The following WDFY3 variants were observed in gnomAD, a reference collection of about 807,000 sequenced individuals.
The protein encoded by WDFY3 is WD repeat and FYVE domain containing 3, also known as WD repeat and FYVE domain-containing protein 3.
In WDFY3, 66 loss-of-function variants were observed where a neutral mutation model predicts 409.6. The observed-to-expected ratio is 0.16, with a 90% CI of 0.13 to 0.20. WDFY3 has a LOEUF of 0.20. Among genes scored for constraint, WDFY3 ranks in the 10% least tolerant of loss-of-function variants. WDFY3 has a pLI of 1.00. For synonymous variants in WDFY3, 1,521 were observed against 1,537.1 expected (o/e 0.99, Z 0.25); for missense variants, 3,031 against 4,298.1 (o/e 0.71, Z 8.24).
intron 60 of WDFY3, among the ~76,000 whole-genome samples, chr4:84,691,248 T>C (rs952579320): frequency 1.3e-5 from 2 of 152,036 alleles, no homozygotes; most frequent in African/African-American, 4.8e-5. Context: ...GCCAGCTTGT[T>C]TGGAGCACTA....
At chr4:84,883,392 A>C (rs1195839665) in intron 3 of WDFY3, among the ~76,000 whole-genome samples, 1 of 152,206 alleles carries the variant, frequency 6.6e-6, no homozygotes, top group Non-Finnish European at 1.5e-5. Context: ...ACTGAAGTGA[A>C]TAATTCTCCA....
In WDFY3 at chr4:84,820,149, T is replaced by A. The variant is rs1342588986; in HGVS notation, c.1629A>T (p.Lys543Asn). 1 of 1,604,780 alleles carries A rather than the reference T, an allele frequency of 6.2e-7. No individual in the cohort carries two copies. Among genetic ancestry groups the A allele is most frequent in the East Asian group, 2.2e-5 (1 of 44,476 alleles). Residue 543 changes from lysine to asparagine, a missense_variant, in exon 12 of 68, where the codon AAA becomes AAT. Lys to Asn is a moderately conservative substitution (Grantham distance 94). This residue lies in a region of WDFY3 where 1,322 missense variants were observed against 1,697.9 expected (regional missense o/e 0.78). Transcript: ENST00000295888. ...SRNNSSVEDQ[K>N]HLALLVMETL... is the part of the protein sequence containing the mutation. The stretch of plus-strand genomic sequence containing the variant: ...TCTCCATAACCAATAAAGCCAGGTG[T>A]TTTTGGTCTTCAACTGAACTATTAT...
At chr4:84,757,929 A>C (rs1455578113) in intron 32 of WDFY3, among the ~76,000 whole-genome samples, 1 of 152,238 alleles carries the variant, frequency 6.6e-6, no homozygotes, top group East Asian at 1.9e-4. Context: ...GGTAAATCCA[A>C]GCCCGTTGTG....
chr4:84,678,783 G>T, intron 65 of WDFY3, 136 bp downstream of exon 65: 2 of 909,798 alleles, frequency 2.2e-6, no homozygotes, highest in Non-Finnish European at 3.3e-6. Flanking sequence ...GTGTAAAGAG[G>T]CATTCTGTGT....
Position 84,692,937 on chromosome 4 carries a change from C to T in WDFY3, c.8997G>A (p.Lys2999=), listed in dbSNP as rs1312072959. The T allele has an allele frequency of 4.3e-6, 7 of 1,613,480 alleles. No homozygotes were observed. The highest frequency in any genetic ancestry group is 4.2e-6 in the Non-Finnish European group (5 of 1,179,886). ...ISVLPGSTSD[K]IFFHHLDNLR... ...AGTTGTCTAGATGATGAAAAAAGAT[C>T]TTGTCACTTGTAGATCCTGGTAGGA... Residue 2999 remains lysine, a synonymous_variant, in exon 59 of 68, where the codon AAG becomes AAA. Coordinates refer to ENST00000295888, the MANE Select transcript of WDFY3 (RefSeq NM_014991.6).
intron 45 of WDFY3, among the ~76,000 whole-genome samples, chr4:84,726,302 A>AT (rs911650716): frequency 1.5e-4 from 23 of 152,248 alleles, no homozygotes; most frequent in African/African-American, 4.6e-4. Flanking sequence ...AAAAAACTAC[A>AT]TTTTTTATTA....
At chr4:84,808,304 A>G in intron 15 of WDFY3, 30 bp downstream of exon 15, 1 of 1,575,440 alleles carries the variant, frequency 6.3e-7, no homozygotes. Flanking sequence ...CCACACAAAT[A>G]GAGACTGACT....
At chr4:84,934,148 G>T (rs1168754038) in intron 1 of WDFY3, among the ~76,000 whole-genome samples, 1 of 151,974 alleles carries the variant, frequency 6.6e-6, no homozygotes, top group African/African-American at 2.4e-5. Context: ...AACAGTGTAC[G>T]AGGGTTCCCT....
chr4:84,940,267 C>T (rs139380297), intron 1 of WDFY3, among the ~76,000 whole-genome samples: 47 of 152,082 alleles, frequency 3.1e-4, no homozygotes, highest in African/African-American at 8.2e-4. Context: ...CCCAAGCTGA[C>T]GGTATATGGT....
At chr4:84,935,743 A>G (rs1401340392) in intron 1 of WDFY3, among the ~76,000 whole-genome samples, 11 of 152,180 alleles carry the variant, frequency 7.2e-5, no homozygotes. Context: ...TTTAATATAA[A>G]TGTAATCTAC....
chr4:84,828,257 T>C (rs1755146809), intron 9 of WDFY3, among the ~76,000 whole-genome samples: 1 of 148,512 alleles, frequency 6.7e-6, no homozygotes, highest in Non-Finnish European at 1.5e-5. Flanking sequence ...ACTTTCTAAG[T>C]ATGTGCACGA....
intron 42 of WDFY3, 55 bp downstream of exon 42, chr4:84,736,115 A>T (rs1247720213): frequency 1.3e-5 from 19 of 1,510,128 alleles, no homozygotes; most frequent in Non-Finnish European, 1.7e-5. Context: ...TGTACATGTT[A>T]AGTATATTAT....
chr4:84,726,685 A>G (rs1465837796), intron 45 of WDFY3, among the ~76,000 whole-genome samples, 176 bp downstream of exon 45: 5 of 152,132 alleles, frequency 3.3e-5, no homozygotes, highest in Non-Finnish European at 7.4e-5. Context: ...CAGTAGAACA[A>G]CATCTCTCAG....
intron 16 of WDFY3, among the ~76,000 whole-genome samples, chr4:84,803,086 G>C (rs577645278): frequency 1.3e-5 from 2 of 152,152 alleles, no homozygotes; most frequent in Admixed American, 1.3e-4. Flanking sequence ...TCTTTGTAAT[G>C]AATGAATTAG....
intron 3 of WDFY3, among the ~76,000 whole-genome samples, chr4:84,864,883 C>G (rs1425890857): frequency 6.6e-6 from 1 of 151,458 alleles, no homozygotes; most frequent in Non-Finnish European, 1.5e-5. Context: ...TTCTGAAATA[C>G]ATAAATCTTT....
In WDFY3 at chr4:84,778,517, G is replaced by A. The variant is rs1417754467; in HGVS notation, c.4504C>T (p.Leu1502Phe). 1.9e-6 allele frequency: 3 copies of A among 1,602,714 alleles called. No homozygotes were observed. Among genetic ancestry groups the A allele is most frequent in the Non-Finnish European group, 2.6e-6 (3 of 1,176,186 alleles). Residue 1502 changes from leucine (L) to phenylalanine (F), a missense_variant, in exon 27 of 68, where the codon CTC becomes TTC. This residue lies in a region of WDFY3 where 55 missense variants were observed against 124.1 expected (regional missense o/e 0.44). Transcript: ENST00000295888. ...IPNSTAFQDL[L>F]CDFEVWLHAP... Reference sequence around the variant, plus strand: ...TATATACATACTTCAAAATCACAGAGGAGGTCCTGGAAAGCAGTTGAATTT... The same window carrying A: ...TATATACATACTTCAAAATCACAGAAGAGGTCCTGGAAAGCAGTTGAATTT...
chr4:84,821,019 G>T (rs963579943), intron 11 of WDFY3, 65 bp downstream of exon 11: 5 of 1,400,560 alleles, frequency 3.6e-6, no homozygotes, highest in Non-Finnish European at 4.8e-6. Flanking sequence ...ATGGGAACAA[G>T]AACAAAAAAT....
chr4:84,733,699 G>A, intron 43 of WDFY3, 90 bp from the exon 44 acceptor site: 9 of 1,219,046 alleles, frequency 7.4e-6, no homozygotes, highest in Admixed American at 4.7e-5. Context: ...GTTATTATTT[G>A]GAAACAAACA....
intron 1 of WDFY3, among the ~76,000 whole-genome samples, chr4:84,958,248 T>C (rs1481005025): frequency 1.3e-5 from 2 of 152,134 alleles, no homozygotes; most frequent in Non-Finnish European, 2.9e-5. Flanking sequence ...GTATAGCTCA[T>C]TGCACCAGCA....
Sources: gnomAD v4.1 joint callset for allele counts (sites outside exome capture counted in the v4.1 genomes callset) on GRCh38, gnomAD v4.1.1 for gene constraint, gnomAD v4.1.1 regional missense constraint, MANE v1.5 for transcripts, NCBI Gene and HGNC (gene_info 2026-07-23, HGNC 2026-07-21) for gene names.